Variants in DENND5B observed in about 807,000 individuals in gnomAD.
The protein encoded by DENND5B is DENN domain containing 5B, also known as DENN domain-containing protein 5B.
DENND5B carries 34 observed loss-of-function variants against 140.6 expected under a neutral mutation model. The ratio of observed to expected loss-of-function variants is 0.24; its 90% CI spans 0.18 to 0.32. The LOEUF is 0.32. DENND5B is among the 10% of genes least tolerant of loss of function. DENND5B has a pLI of 1.00. For synonymous variants in DENND5B, 551 were observed against 562.1 expected, an observed-to-expected ratio of 0.98 and a Z score of 0.28; for missense variants, 1,142 against 1,560.2, an observed-to-expected ratio of 0.73 and a Z score of 4.52.
intron 19 of DENND5B, among the ~76,000 whole-genome samples, chr12:31,390,533 G>C (rs980993749): frequency 1.3e-5 from 2 of 152,082 alleles, no homozygotes; most frequent in African/African-American, 2.4e-5. Flanking sequence ...CAGCTACTCA[G>C]GCTGAGGCAG....
chr12:31,435,406 C>T lies in DENND5B; in HGVS notation c.2013-2158G>A, dbSNP rs150091078. On this transcript the variant is annotated intron_variant, in intron 7 of 20. Coordinates refer to ENST00000389082, the MANE Select transcript of DENND5B (RefSeq NM_144973.4). ...CACTTGCATCCTTGACCAATTCTCC[C>T]GTCTTTTCAACCCGCTCCATTAGTC... Among the ~76,000 whole-genome samples the T allele has an allele frequency of 4.1e-3, 631 of 152,196 alleles. 4 individuals are homozygous for T. The highest frequency in any genetic ancestry group is 0.014 in the African/African-American group (572 of 41,518).
chr12:31,404,333 G>C (rs984763977), intron 14 of DENND5B, among the ~76,000 whole-genome samples: 3 of 152,194 alleles, frequency 2.0e-5, no homozygotes, highest in African/African-American at 7.2e-5. Context: ...ATGTAGCTCT[G>C]TCGCCCAGTC....
intron 2 of DENND5B, among the ~76,000 whole-genome samples, chr12:31,494,184 CCA>C (rs1565635357): frequency 0.075 from 4,470 of 59,828 alleles, 163 homozygotes; most frequent in Admixed American, 0.21. Flanking sequence ...ATCTATCTAT[CCA>C]TCCATCCATC....
chr12:31,423,568 C>T, intron 11 of DENND5B, 29 bp downstream of exon 11: 1 of 1,608,972 alleles, frequency 6.2e-7, no homozygotes, highest in South Asian at 1.1e-5. Context: ...GAGTCCAGTG[C>T]TGCTAGTTCT....
intron 12 of DENND5B, among the ~76,000 whole-genome samples, chr12:31,413,851 T>C (rs947431894): frequency 2.6e-5 from 4 of 152,210 alleles, no homozygotes; most frequent in African/African-American, 4.8e-5. Context: ...GGCAGACTCA[T>C]AGATATCTGT....
intron 14 of DENND5B, among the ~76,000 whole-genome samples, chr12:31,406,803 T>C (rs1192472614): frequency 1.3e-5 from 2 of 152,164 alleles, no homozygotes; most frequent in Non-Finnish European, 2.9e-5. Flanking sequence ...CTACTGCTAC[T>C]ACTTCTTACT....
At chr12:31,492,027 A>G (rs1337109198) in intron 2 of DENND5B, among the ~76,000 whole-genome samples, 1 of 152,210 alleles carries the variant, frequency 6.6e-6, no homozygotes, top group Non-Finnish European at 1.5e-5. Context: ...CAAAGAGGAA[A>G]TTAAAGGCAG....
In DENND5B at chr12:31,451,820, G is replaced by A. The variant is rs1944538150; in HGVS notation, c.1629+120C>T. The A allele has an allele frequency of 2.4e-6, 3 of 1,241,834 alleles. No homozygotes were observed. In the South Asian group the frequency reaches 4.7e-5, roughly 19 times the overall value. 76.9% of individuals were successfully genotyped at this position (1,241,834 alleles called of 1,614,324 possible). A position where few individuals can be genotyped will look rare whatever the true frequency, so the allele number is the denominator to read the frequency against. On this transcript the variant is annotated intron_variant, in intron 5 of 20. Coordinates refer to ENST00000389082, the MANE Select transcript of DENND5B (RefSeq NM_144973.4). ...GACAAAAAGTCTGCATTTAAAAAAG[G>A]TTAACAAAATCAATAATATATGGGT...
In DENND5B at chr12:31,389,426, G is replaced by A. The variant is rs1301233490; in HGVS notation, c.3539C>T (p.Ser1180Leu). ...DNEDDVLIQK[S>L]SCKTFCHYVN... is the part of the protein sequence containing the mutation. ...GTAGTGGCAGAAGGTTTTGCAGGAT[G>A]ATTTCTGAATAAGGACATCATCTTC... The change falls in exon 20 of 21, where the codon TCA (serine) becomes TTA (leucine). Residue 1180 changes from serine (S) to leucine (L), a missense_variant. Physicochemically the swap from Ser to Leu is moderately radical, Grantham distance 145. This residue lies in a region of DENND5B where 125 missense variants were observed against 179.0 expected (regional missense o/e 0.70). Coordinates refer to ENST00000389082, the MANE Select transcript of DENND5B (RefSeq NM_144973.4). 9 of 1,610,204 alleles carry A rather than the reference G, an allele frequency of 5.6e-6. No individual in the cohort carries two copies. Among genetic ancestry groups the A allele is most frequent in the Non-Finnish European group, 7.6e-6 (9 of 1,178,058 alleles).
intron 1 of DENND5B, among the ~76,000 whole-genome samples, chr12:31,589,377 T>A (rs1405551333): frequency 6.6e-6 from 1 of 152,236 alleles, no homozygotes; most frequent in Non-Finnish European, 1.5e-5. Flanking sequence ...GGTATTCTAT[T>A]ATCTCTCCAA....
chr12:31,471,461 ATTTTTTTTT>A, intron 3 of DENND5B, among the ~76,000 whole-genome samples: 1 of 111,908 alleles, frequency 8.9e-6, no homozygotes, highest in South Asian at 2.9e-4. Flanking sequence ...CCATGCCTGT[ATTTTTTTTT>A]TTTTTTTTTT....
chr12:31,560,476 C>A (rs921479976), intron 1 of DENND5B, among the ~76,000 whole-genome samples: 1 of 152,172 alleles, frequency 6.6e-6, no homozygotes. Context: ...CCACCATCAT[C>A]CCTTACTTAA....
chr12:31,572,530 ACT>A (rs906322080), intron 1 of DENND5B, among the ~76,000 whole-genome samples: 5 of 89,544 alleles, frequency 5.6e-5, no homozygotes, highest in African/African-American at 1.4e-4. Context: ...CACTAATTTT[ACT>A]CTTTCTCAAA....
intron 14 of DENND5B, among the ~76,000 whole-genome samples, chr12:31,406,767 G>A (rs2137480249): frequency 6.6e-6 from 1 of 152,228 alleles, no homozygotes; most frequent in East Asian, 1.9e-4. Context: ...GAAATCTACA[G>A]ATATAAGGAG....
chr12:31,402,704 CAT>C, intron 14 of DENND5B, 61 bp from the exon 15 acceptor site: 2 of 1,519,138 alleles, frequency 1.3e-6, no homozygotes, highest in Non-Finnish European at 1.8e-6. Flanking sequence ...TATAACAAAA[CAT>C]ATATTAAGAA....
chr12:31,587,568 GAC>G (rs1223740380), intron 1 of DENND5B, among the ~76,000 whole-genome samples: 1 of 75,656 alleles, frequency 1.3e-5, no homozygotes, highest in Non-Finnish European at 2.5e-5. Context: ...TTTTTTTTGA[GAC>G]AGAGTCTCCC....
At position 31,402,640 on chromosome 12, in the gene DENND5B, A is replaced by C. The variant is rs1941863846; in HGVS notation, c.2807T>G (p.Ile936Ser). ...CFTSVFTTIM[I>S]PYRSVIIPIK... is the part of the protein sequence containing the mutation. ...TGGGATGATCACTGACCTATACGGA[A>C]TCACTGAAAGAAAAATGCAGAAATT... The change falls in exon 15 of 21, where the codon ATT becomes AGT. Residue 936 changes from isoleucine to serine, a missense_variant. Ile to Ser is a moderately radical substitution (Grantham distance 142). Transcript: ENST00000389082. The C allele has an allele frequency of 6.3e-7, 1 of 1,591,948 alleles. No individual in the cohort carries two copies. Among genetic ancestry groups the C allele is most frequent in the African/African-American group, 1.3e-5 (1 of 74,194 alleles).
intron 1 of DENND5B, among the ~76,000 whole-genome samples, chr12:31,505,841 TG>T (rs541629938): frequency 3.9e-4 from 60 of 152,098 alleles, no homozygotes; most frequent in Non-Finnish European, 7.5e-4. Flanking sequence ...ATTAATTAAT[TG>T]TTTTTTTGAG....
intron 4 of DENND5B, among the ~76,000 whole-genome samples, chr12:31,455,602 C>T (rs1944734079): frequency 6.6e-6 from 1 of 152,170 alleles, no homozygotes; most frequent in Admixed American, 6.5e-5. Context: ...TTCAGAAGAG[C>T]TCAATAAGTA....
Sources: gnomAD v4.1 joint callset for allele counts (sites outside exome capture counted in the v4.1 genomes callset) on GRCh38, gnomAD v4.1.1 for gene constraint, gnomAD v4.1.1 regional missense constraint, MANE v1.5 for transcripts, NCBI Gene and HGNC (gene_info 2026-07-23, HGNC 2026-07-21) for gene names.